The following PCDH10 variants were observed in gnomAD, a reference collection of about 807,000 sequenced individuals.
PCDH10 encodes the protein protocadherin-10.
Under a neutral mutation model 74.4 loss-of-function variants are expected in PCDH10, and 15 were observed. That is an observed-to-expected ratio of 0.20 (90% CI 0.13 to 0.31). The LOEUF is 0.31. Ranked by LOEUF, PCDH10 falls within the 10% of genes least tolerant of loss-of-function variation. The pLI is 1.00. For missense variants in PCDH10, 1,260 were observed against 1,390.2 expected (o/e 0.91, Z 1.49); for synonymous variants, 619 against 589.8 (o/e 1.05, Z -0.72).
chr4:133,155,438 A>G (rs1013433145), intron 3 of PCDH10, among the ~76,000 whole-genome samples: 4 of 152,174 alleles, frequency 2.6e-5, no homozygotes, highest in African/African-American at 7.2e-5. Flanking sequence ...AAGAAGATAA[A>G]TGGATGATTG....
chr4:133,202,446 G>A (rs142084341), intron 2 of PCDH10, among the ~76,000 whole-genome samples: 99 of 152,280 alleles, frequency 6.5e-4, no homozygotes, highest in East Asian at 2.9e-3. Flanking sequence ...AAGAAGTAAA[G>A]TAAATGCCTT....
chr4:133,151,425 T>A lies in PCDH10; in HGVS notation c.1285T>A (p.Tyr429Asn). ...APLDREAGDS[Y>N]TLTVVARDRG... ...CCTGGACCGAGAGGCGGGGGACTCC[T>A]ACACCCTGACTGTAGTGGCTCGGGA... The change falls in exon 1 of 5, where the codon TAC becomes AAC. Residue 429 changes from tyrosine (Y) to asparagine (N), a missense_variant. By Grantham distance (143) the Tyr-to-Asn change is moderately radical. Coordinates refer to ENST00000264360, the MANE Select transcript of PCDH10 (RefSeq NM_032961.3). 6.2e-7 allele frequency: 1 copy of A among 1,614,072 alleles called. No homozygotes were observed.
chr4:133,184,773 A>AAT (rs34332814), intron 4 of PCDH10, among the ~76,000 whole-genome samples: 106,530 of 136,654 alleles, frequency 0.78, 41,833 homozygotes, highest in African/African-American at 0.86. Context: ...TAAATATATA[A>AAT]ATATATATAT....
chr4:133,198,757 T>TTGGTTATAGATGTTGC (rs1355509688), downstream of PCDH10, among the ~76,000 whole-genome samples: 1 of 152,132 alleles, frequency 6.6e-6, no homozygotes, highest in African/African-American at 2.4e-5. Context: ...ACTGTGGTTA[T>TTGGTTATAGATGTTGC]TGGTTATAGA....
rs567229160 is a variant in PCDH10 at position 133,163,212 on chromosome 4, C to T, written c.3033C>T (p.Ser1011=). ...STFGKEKALH[S]TLERKELDGL... ...TTGGCAAAGAGAAGGCCCTTCACAGCACTCTGGAGAGGAAGGAGCTGGATG... is the reference window on the plus strand; with the variant it reads ...TTGGCAAAGAGAAGGCCCTTCACAGTACTCTGGAGAGGAAGGAGCTGGATG... Residue 1011 remains serine (S), a synonymous_variant, in exon 4 of 5, where the codon AGC becomes AGT. Transcript: ENST00000264360. 7 of 1,614,128 alleles carry T rather than the reference C, an allele frequency of 4.3e-6. No individual in the cohort carries two copies. The South Asian group carries it at 6.6e-5, about 15-fold the overall frequency.
chr4:133,194,338 C>A lies in PCDH10; in HGVS notation c.*4178C>A, dbSNP rs1366142613. Reference sequence around the variant, plus strand: ...AAAATACTAAATTTCACATGAGACTCAAAAATTTCTGAATGATGGAACTCA... The same window carrying A: ...AAAATACTAAATTTCACATGAGACTAAAAAATTTCTGAATGATGGAACTCA... On this transcript the variant is annotated 3_prime_UTR_variant, in exon 5 of 5. Coordinates refer to ENST00000264360, the MANE Select transcript of PCDH10 (RefSeq NM_032961.3). 1 of 151,732 alleles carries A rather than the reference C, an allele frequency of 6.6e-6. No individual in the cohort carries two copies. The highest frequency in any genetic ancestry group is 1.5e-5 in the Non-Finnish European group (1 of 67,762). The allele number at this position is 151,732 out of a possible 1,614,324, so 9.4% of individuals were successfully genotyped here. A position where few individuals can be genotyped will look rare whatever the true frequency, so the allele number is the denominator to read the frequency against.
At chr4:133,160,214 C>T (rs1345104848) in intron 3 of PCDH10, among the ~76,000 whole-genome samples, 1 of 151,790 alleles carries the variant, frequency 6.6e-6, no homozygotes, top group Non-Finnish European at 1.5e-5. Flanking sequence ...ATCAATAATA[C>T]TGGTGAAACA....
intron 4 of PCDH10, among the ~76,000 whole-genome samples, chr4:133,188,193 T>C (rs1382557442): frequency 6.6e-6 from 1 of 152,160 alleles, no homozygotes; most frequent in Non-Finnish European, 1.5e-5. Flanking sequence ...CACAAAATCT[T>C]TTGTAATTAA....
chr4:133,174,142 T>G (rs1264830034), intron 4 of PCDH10, among the ~76,000 whole-genome samples: 1 of 151,942 alleles, frequency 6.6e-6, no homozygotes, highest in Admixed American at 6.6e-5. Flanking sequence ...GCAGTTAGTA[T>G]AGAACAGCTG....
downstream of PCDH10, among the ~76,000 whole-genome samples, chr4:133,197,969 TTGTGTGTGTG>T (rs70957500): frequency 2.5e-3 from 359 of 145,028 alleles, 1 homozygote; most frequent in African/African-American, 8.5e-3. Flanking sequence ...TCTCTCAAAA[TTGTGTGTGTG>T]TGTGTGTGTG....
At chr4:133,198,121 A>G (rs1727830086), downstream of PCDH10, among the ~76,000 whole-genome samples, 1 of 152,106 alleles carries the variant, frequency 6.6e-6, no homozygotes, top group African/African-American at 2.4e-5. Flanking sequence ...TAAAGTATCA[A>G]AATGCCTGGT....
chr4:133,170,796 G>A (rs565153809), intron 4 of PCDH10, among the ~76,000 whole-genome samples: 129 of 135,708 alleles, frequency 9.5e-4, no homozygotes, highest in Admixed American at 1.9e-3. Context: ...GGGTTCGAGC[G>A]ATTTTCCTGC....
chr4:133,178,317 A>C (rs1475536906), intron 4 of PCDH10, among the ~76,000 whole-genome samples: 1 of 151,650 alleles, frequency 6.6e-6, no homozygotes, highest in African/African-American at 2.4e-5. Flanking sequence ...GCTCACTGCA[A>C]CCTCTGCCTC....
At chr4:133,189,440 A>T (rs1727612047) in intron 4 of PCDH10, among the ~76,000 whole-genome samples, 1 of 152,086 alleles carries the variant, frequency 6.6e-6, no homozygotes. Context: ...CTGGGCAATC[A>T]AATCTGGGCA....
chr4:133,165,278 C>A (rs181479151), intron 4 of PCDH10, among the ~76,000 whole-genome samples: 1 of 146,148 alleles, frequency 6.8e-6, no homozygotes, highest in Non-Finnish European at 1.5e-5. Flanking sequence ...GTTCTTCATA[C>A]GACTTTAATC....
intron 4 of PCDH10, among the ~76,000 whole-genome samples, chr4:133,165,416 G>C (rs1727058386): frequency 6.6e-6 from 1 of 151,386 alleles, no homozygotes; most frequent in African/African-American, 2.4e-5. Context: ...TAGTTAGTCT[G>C]ATAATACAAA....
At chr4:133,174,577 A>G (rs1180103972) in intron 4 of PCDH10, among the ~76,000 whole-genome samples, 2 of 151,662 alleles carry the variant, frequency 1.3e-5, no homozygotes, top group Admixed American at 6.6e-5. Flanking sequence ...AATCACAGTT[A>G]TGTCCTGTGA....
At chr4:133,174,495 T>A (rs1338949962) in intron 4 of PCDH10, among the ~76,000 whole-genome samples, 1 of 151,716 alleles carries the variant, frequency 6.6e-6, no homozygotes, top group Non-Finnish European at 1.5e-5. Flanking sequence ...TAGGCATGAG[T>A]AAATGAAATA....
At chr4:133,180,981 G>A (rs974762652) in intron 4 of PCDH10, among the ~76,000 whole-genome samples, 3 of 151,562 alleles carry the variant, frequency 2.0e-5, no homozygotes, top group Non-Finnish European at 4.4e-5. Flanking sequence ...CTAATTATCT[G>A]ATGACAGGTT....
Sources: allele counts gnomAD v4.1 joint callset (sites outside exome capture counted in the v4.1 genomes callset), GRCh38; gene constraint gnomAD v4.1.1; transcripts MANE v1.5; gene names NCBI Gene and HGNC (gene_info 2026-07-23, HGNC 2026-07-21).